GCNT2: variants seen among roughly 807,000 people sequenced by gnomAD.
GCNT2 encodes N-acetyllactosaminide beta-1,6-N-acetylglucosaminyl-transferase.
In GCNT2, 34 loss-of-function variants were observed where a neutral mutation model predicts 34.2. That is an observed-to-expected ratio of 1.00 (90% CI 0.76 to 1.32). The LOEUF (loss-of-function observed/expected upper bound fraction) is 1.32. GCNT2 is among the 40% of genes most tolerant of loss of function. GCNT2 has a pLI of 0.00. For missense variants in GCNT2, 584 were observed against 489.4 expected (o/e 1.19, Z -1.82); for synonymous variants, 212 against 188.0 (o/e 1.13, Z -1.04).
intron 3 of GCNT2, among the ~76,000 whole-genome samples, chr6:10,587,341 G>C (rs139042265): frequency 1.2e-3 from 185 of 152,326 alleles, no homozygotes; most frequent in African/African-American, 4.2e-3. Context: ...TCATGGAGCT[G>C]TTACAGGGGT....
chr6:10,587,513 A>G (rs938275180), intron 3 of GCNT2, among the ~76,000 whole-genome samples: 4 of 152,224 alleles, frequency 2.6e-5, no homozygotes, highest in Admixed American at 6.5e-5. Context: ...TGGGTAACAA[A>G]GAGTTGGAAC....
chr6:10,586,592 GGAGATA>G lies in GCNT2; in HGVS notation c.926-34757_926-34752del. Reference sequence around the variant, plus strand: ...AAGACTTCCCCCTGAAAACCAACCGGGAGATAGTTCAGCATCTGAAAGGATTTAAAG... The same window carrying G: ...AAGACTTCCCCCTGAAAACCAACCGGGTTCAGCATCTGAAAGGATTTAAAG... On this transcript the variant is annotated intron_variant, in intron 3 of 4. Transcript: ENST00000495262. 3 of 1,614,130 alleles carry G rather than the reference GGAGATA, an allele frequency of 1.9e-6. No individual in the cohort carries two copies. In the South Asian group the frequency reaches 3.3e-5, roughly 18 times the overall value.
At chr6:10,593,075 C>T (rs1764718464) in intron 3 of GCNT2, among the ~76,000 whole-genome samples, 1 of 152,118 alleles carries the variant, frequency 6.6e-6, no homozygotes, top group African/African-American at 2.4e-5. Flanking sequence ...TCTAGAACAA[C>T]ATTTTATAAA....
chr6:10,586,688 C>G, intron 3 of GCNT2: 1 of 1,614,070 alleles, frequency 6.2e-7, no homozygotes, highest in Non-Finnish European at 8.5e-7. Flanking sequence ...AATATGTCCA[C>G]CAAGAGCATA....
intron 3 of GCNT2, among the ~76,000 whole-genome samples, chr6:10,541,403 C>T (rs549275036): frequency 2.6e-5 from 4 of 152,236 alleles, no homozygotes; most frequent in East Asian, 3.9e-4. Flanking sequence ...TTTCTTTATC[C>T]AGTCTATCAC....
chr6:10,607,684 C>G (rs1488217550), intron 3 of GCNT2, among the ~76,000 whole-genome samples: 1 of 110,932 alleles, frequency 9.0e-6, no homozygotes, highest in Non-Finnish European at 2.4e-5. Context: ...TAGAAAAGCC[C>G]TAACTTACAG....
intron 1 of GCNT2, among the ~76,000 whole-genome samples, chr6:10,524,186 C>A (rs1165613898): frequency 6.6e-6 from 1 of 151,526 alleles, no homozygotes; most frequent in East Asian, 1.9e-4. Flanking sequence ...ATGACTTATT[C>A]AACGGCTCCA....
chr6:10,528,738 GGAA>G lies in GCNT2; in HGVS notation c.-167_-165del, dbSNP rs1213869180. ...TGCAACCTAGTGGTAAGTGAAGAGG[GGAA>G]GAAGAAAGAAAAAGGACCAGAACCG... On this transcript the variant is annotated 5_prime_UTR_variant, in exon 3 of 5. Coordinates refer to ENST00000495262, the MANE Select transcript of GCNT2 (RefSeq NM_145649.5). 5 of 646,824 alleles carry G rather than the reference GGAA, an allele frequency of 7.7e-6. No individual in the cohort carries two copies. The highest frequency in any genetic ancestry group is 1.4e-5 in the Non-Finnish European group (5 of 364,042). The allele number at this position is 646,824 out of a possible 1,614,324, so 40.1% of individuals were successfully genotyped here.
At chr6:10,575,287 C>T (rs886463664) in intron 3 of GCNT2, 15 of 256,412 alleles carry the variant, frequency 5.8e-5, no homozygotes, top group African/African-American at 2.7e-4. Flanking sequence ...CCAAATTTTC[C>T]GTGATAGTGT....
At chr6:10,531,455 C>CT (rs1457002245) in intron 3 of GCNT2, among the ~76,000 whole-genome samples, 1 of 152,226 alleles carries the variant, frequency 6.6e-6, no homozygotes, top group East Asian at 1.9e-4. Flanking sequence ...CTAAAAATAA[C>CT]TAAGCCAGGG....
At chr6:10,563,322 T>A (rs1763098146) in intron 3 of GCNT2, among the ~76,000 whole-genome samples, 1 of 152,224 alleles carries the variant, frequency 6.6e-6, no homozygotes, top group Admixed American at 6.5e-5. Flanking sequence ...ATAATGTCAC[T>A]CTATTATATT....
In GCNT2 at chr6:10,557,000, T is replaced by G. The variant is rs1554129925; in HGVS notation, c.925+27164T>G. 1.2e-6 allele frequency: 2 copies of G among 1,613,722 alleles called. No homozygotes were observed. The highest frequency in any genetic ancestry group is 1.7e-6 in the Non-Finnish European group (2 of 1,179,816). On this transcript the variant is annotated intron_variant, in intron 3 of 4. Coordinates refer to ENST00000495262, the MANE Select transcript of GCNT2 (RefSeq NM_145649.5). Reference sequence around the variant, plus strand: ...CGTTATCAACACCTGTGGGCAAGACTTCCCCCTGAAAACCAACAAGGAAAT... The same window carrying G: ...CGTTATCAACACCTGTGGGCAAGACGTCCCCCTGAAAACCAACAAGGAAAT...
At chr6:10,608,634 A>G (rs1321396868) in intron 3 of GCNT2, among the ~76,000 whole-genome samples, 2 of 152,188 alleles carry the variant, frequency 1.3e-5, no homozygotes, top group Non-Finnish European at 2.9e-5. Context: ...AGGAGTTCAA[A>G]TCCAGCCTGC....
chr6:10,569,164 C>CCTCA (rs1277990924), intron 3 of GCNT2, among the ~76,000 whole-genome samples: 2 of 150,328 alleles, frequency 1.3e-5, no homozygotes, highest in Admixed American at 1.3e-4. Context: ...TGTTGGTGCC[C>CCTCA]CTCAGCACTG....
chr6:10,593,017 A>T (rs1337769505), intron 3 of GCNT2, among the ~76,000 whole-genome samples: 2 of 152,256 alleles, frequency 1.3e-5, no homozygotes, highest in African/African-American at 4.8e-5. Flanking sequence ...TTGGGATTAC[A>T]GGCGTGAGCC....
intron 3 of GCNT2, among the ~76,000 whole-genome samples, chr6:10,562,711 A>C (rs1343273480): frequency 2.0e-5 from 3 of 151,332 alleles, no homozygotes; most frequent in Non-Finnish European, 4.4e-5. Context: ...ATTCCTATCC[A>C]TAAACAAATC....
chr6:10,530,635 C>G (rs542633747), intron 3 of GCNT2, among the ~76,000 whole-genome samples: 4 of 152,254 alleles, frequency 2.6e-5, no homozygotes, highest in African/African-American at 9.6e-5. Flanking sequence ...CTTTGGAAGG[C>G]TGAGGCAGGA....
chr6:10,522,801 G>A (rs1269490750), intron 1 of GCNT2, among the ~76,000 whole-genome samples: 1 of 152,062 alleles, frequency 6.6e-6, no homozygotes, highest in Admixed American at 6.6e-5. Context: ...ATCCAGAAAG[G>A]TGAAAACAAC....
intron 3 of GCNT2, among the ~76,000 whole-genome samples, chr6:10,603,029 T>A (rs748823012): frequency 3.9e-5 from 6 of 152,130 alleles, no homozygotes; most frequent in Non-Finnish European, 8.8e-5. Flanking sequence ...AACAAACACA[T>A]CTGAATAAAT....
Sources: allele counts gnomAD v4.1 joint callset (sites outside exome capture counted in the v4.1 genomes callset), GRCh38; gene constraint gnomAD v4.1.1; transcripts MANE v1.5; gene names NCBI Gene and HGNC (gene_info 2026-07-23, HGNC 2026-07-21).